Variants in SIN3A observed in about 807,000 individuals in gnomAD.
SIN3A encodes SIN3 transcription regulator family member A, also known as paired amphipathic helix protein Sin3a.
SIN3A carries 14 observed loss-of-function variants against 146.1 expected under a neutral mutation model. The observed-to-expected ratio is 0.10, with a 90% CI of 0.06 to 0.15. The LOEUF (loss-of-function observed/expected upper bound fraction) is 0.15, where lower values mean the gene tolerates loss of function less well. Among genes scored for constraint, SIN3A ranks in the 10% least tolerant of loss-of-function variants. The probability of loss-of-function intolerance (pLI) is 1.00; values close to 1 mark genes in which losing one functional copy is unlikely to be tolerated. For missense variants in SIN3A, 1,028 were observed against 1,576.0 expected (o/e 0.65, Z 5.89); for synonymous variants, 572 against 572.0 (o/e 1.00, Z 0.00).
At chr15:75,452,614 G>A (rs1465454509), upstream of SIN3A, among the ~76,000 whole-genome samples, 1 of 152,222 alleles carries the variant, frequency 6.6e-6, no homozygotes, top group Non-Finnish European at 1.5e-5. Context: ...CCCTAGAGCT[G>A]AATATGCAGT....
intron 17 of SIN3A, among the ~76,000 whole-genome samples, chr15:75,382,783 C>T (rs551273388): frequency 7.4e-4 from 113 of 152,028 alleles, no homozygotes; most frequent in African/African-American, 2.4e-3. Flanking sequence ...CACATCTCTA[C>T]TAAAAATACA....
chr15:75,435,369 G>A (rs1431666142), intron 1 of SIN3A, among the ~76,000 whole-genome samples: 3 of 152,192 alleles, frequency 2.0e-5, no homozygotes, highest in African/African-American at 7.2e-5. Flanking sequence ...TTATCCACAA[G>A]TACAAAGAAT....
chr15:75,418,771 T>C (rs746067817), intron 3 of SIN3A, among the ~76,000 whole-genome samples: 42 of 152,064 alleles, frequency 2.8e-4, no homozygotes, highest in Non-Finnish European at 4.7e-4. Flanking sequence ...TTTGTTTTTT[T>C]TGAGACAGAG....
intron 3 of SIN3A, among the ~76,000 whole-genome samples, chr15:75,417,722 C>T (rs2073767203): frequency 6.6e-6 from 1 of 152,120 alleles, no homozygotes; most frequent in African/African-American, 2.4e-5. Flanking sequence ...GGAACATTTA[C>T]ATTCAAGTCA....
At chr15:75,375,175 C>T (rs1172112077) in intron 20 of SIN3A, among the ~76,000 whole-genome samples, 1 of 152,164 alleles carries the variant, frequency 6.6e-6, no homozygotes, top group Non-Finnish European at 1.5e-5. Context: ...GTAATGCTAG[C>T]ACTTTGAGAG....
upstream of SIN3A, chr15:75,455,661 C>T (rs1412536144): frequency 6.6e-6 from 1 of 152,264 alleles, no homozygotes; most frequent in Non-Finnish European, 1.5e-5. Context: ...CGAGCCTCCC[C>T]TCAGCTCGGT....
intron 1 of SIN3A, among the ~76,000 whole-genome samples, chr15:75,449,021 T>G (rs2074355852): frequency 6.6e-6 from 1 of 152,238 alleles, no homozygotes; most frequent in South Asian, 2.1e-4. Context: ...ATGAAAATGT[T>G]CCTAATACAG....
chr15:75,403,736 G>C (rs780724465), intron 9 of SIN3A, among the ~76,000 whole-genome samples: 6 of 152,068 alleles, frequency 3.9e-5, no homozygotes, highest in Non-Finnish European at 8.8e-5. Flanking sequence ...AGTAGAGACG[G>C]GGTTTCACCA....
At chr15:75,400,005 T>C (rs765252510) in intron 12 of SIN3A, 35 bp downstream of exon 12, 33 of 1,198,194 alleles carry the variant, frequency 2.8e-5, no homozygotes, top group Non-Finnish European at 4.0e-5. Context: ...GCATCTCCCA[T>C]TTCCCCCAAC....
chr15:75,430,233 A>T lies in SIN3A; in HGVS notation c.143T>A (p.Met48Lys). 1 of 1,614,156 alleles carries T rather than the reference A, an allele frequency of 6.2e-7. No individual in the cohort carries two copies. The highest frequency in any genetic ancestry group is 8.5e-7 in the Non-Finnish European group (1 of 1,180,018). ...GTACTGAATTCCCGTAGCTGACTGC[A>T]TGGTCTCAGACACTGCTTCATACAC... The part of the protein sequence containing the change: ...PPVYEAVSET[M>K]QSATGIQYSV... The change falls in exon 2 of 21, where the codon ATG (methionine) becomes AAG (lysine). Residue 48 changes from methionine (M) to lysine (K), a missense_variant. Physicochemically the swap from Met to Lys is moderately conservative, Grantham distance 95. This residue lies in a region of SIN3A where 152 missense variants were observed against 231.5 expected (regional missense o/e 0.66). Coordinates refer to ENST00000394947, the MANE Select transcript of SIN3A (RefSeq NM_001145358.2).
At chr15:75,372,334 C>G (rs2072767540) in intron 20 of SIN3A, 125 bp from the exon 21 acceptor site, 1 of 514,578 alleles carries the variant, frequency 1.9e-6, no homozygotes, top group Non-Finnish European at 3.3e-6. Context: ...TTAGATACCA[C>G]TGTTTTTTTC....
chr15:75,389,740 T>C lies in SIN3A; in HGVS notation c.2933A>G (p.Gln978Arg). 6.2e-7 allele frequency: 1 copy of C among 1,614,154 alleles called. No homozygotes were observed. Among genetic ancestry groups the C allele is most frequent in the Non-Finnish European group, 8.5e-7 (1 of 1,180,000 alleles). The change falls in exon 16 of 21, where the codon CAG (glutamine) becomes CGG (arginine). Residue 978 changes from glutamine to arginine, a missense_variant. By Grantham distance (43) the Gln-to-Arg change is conservative. Coordinates refer to ENST00000394947, the MANE Select transcript of SIN3A (RefSeq NM_001145358.2). ...CATCTCTCTCAGTGAATCTTCATAC[T>C]GTGATGAGTCTATGTTGCCATCCAG... ...SLLDGNIDSS[Q>R]YEDSLREMFT...
At chr15:75,411,930 T>C (rs1385565539) in intron 5 of SIN3A, among the ~76,000 whole-genome samples, 187 bp from the exon 6 acceptor site, 1 of 152,216 alleles carries the variant, frequency 6.6e-6, no homozygotes, top group Non-Finnish European at 1.5e-5. Context: ...AACATGCTGA[T>C]ACAAATATTT....
chr15:75,436,053 G>A (rs1447514040), intron 1 of SIN3A, among the ~76,000 whole-genome samples: 2 of 151,494 alleles, frequency 1.3e-5, no homozygotes, highest in African/African-American at 4.9e-5. Context: ...CTTGACCTCA[G>A]AAGTTGAGGC....
chr15:75,409,713 C>A (rs1292420597), intron 8 of SIN3A, 123 bp downstream of exon 8: 1 of 1,058,206 alleles, frequency 9.4e-7, no homozygotes, highest in South Asian at 1.6e-5. Flanking sequence ...GGCGACAGAG[C>A]GAGACTCGGT....
chr15:75,422,693 G>A lies in SIN3A; in HGVS notation c.320C>T (p.Pro107Leu). The A allele has an allele frequency of 6.2e-7, 1 of 1,614,202 alleles. No homozygotes were observed. The highest frequency in any genetic ancestry group is 8.5e-7 in the Non-Finnish European group (1 of 1,180,042). ...CTGTCCCTGCACTGGTGCAACTGGTGGGGCTGGATGAGCATGACTCTGGAC... is the reference window on the plus strand; with the variant it reads ...CTGTCCCTGCACTGGTGCAACTGGTAGGGCTGGATGAGCATGACTCTGGAC... ...QVVQSHAHPA[P>L]PVAPVQGQQQ... The change falls in exon 3 of 21, where the codon CCA becomes CTA. Residue 107 changes from proline (P) to leucine (L), a missense_variant. Coordinates refer to ENST00000394947, the MANE Select transcript of SIN3A (RefSeq NM_001145358.2).
At chr15:75,443,937 T>C (rs2074260679) in intron 1 of SIN3A, among the ~76,000 whole-genome samples, 3 of 152,186 alleles carry the variant, frequency 2.0e-5, no homozygotes, top group African/African-American at 4.8e-5. Context: ...AAACTAATGA[T>C]TTATTTCACT....
intron 19 of SIN3A, among the ~76,000 whole-genome samples, chr15:75,379,085 G>C (rs1027384908): frequency 1.5e-4 from 23 of 151,970 alleles, no homozygotes; most frequent in Admixed American, 3.3e-4. Context: ...ATTTTTAGTA[G>C]AGACAGGGTT....
At chr15:75,402,067 T>A in intron 9 of SIN3A, 97 bp from the exon 10 acceptor site, 1 of 757,882 alleles carries the variant, frequency 1.3e-6, no homozygotes, top group Non-Finnish European at 2.3e-6. Flanking sequence ...GGCGCAGTTG[T>A]GTAATCTCAG....
Sources: gnomAD v4.1 joint callset for allele counts (sites outside exome capture counted in the v4.1 genomes callset) on GRCh38, gnomAD v4.1.1 for gene constraint, gnomAD v4.1.1 regional missense constraint, MANE v1.5 for transcripts, NCBI Gene and HGNC (gene_info 2026-07-23, HGNC 2026-07-21) for gene names.